The following PCDH7 variants were observed in gnomAD, a reference collection of about 807,000 sequenced individuals.
PCDH7 encodes protocadherin-7.
Under a neutral mutation model 58.9 loss-of-function variants are expected in PCDH7, and 17 were observed. The observed-to-expected ratio is 0.29, with a 90% CI of 0.20 to 0.43. The LOEUF (loss-of-function observed/expected upper bound fraction) is 0.43. Ranked by LOEUF, PCDH7 falls within the 20% of genes least tolerant of loss-of-function variation. The pLI, the probability that PCDH7 is intolerant of heterozygous loss-of-function variation, is 1.00. For synonymous variants in PCDH7, 664 were observed against 616.4 expected (o/e 1.08, Z -1.14); for missense variants, 1,274 against 1,441.0 (o/e 0.88, Z 1.88).
downstream of PCDH7, chr4:31,142,973 C>A: frequency 1.7e-6 from 1 of 598,870 alleles, no homozygotes; most frequent in Non-Finnish European, 2.6e-6. Context: ...GCTTTGCCTG[C>A]CACTTCTGCC....
chr4:31,055,318 A>G (rs560917374), intron 3 of PCDH7, among the ~76,000 whole-genome samples: 2 of 152,124 alleles, frequency 1.3e-5, no homozygotes, highest in Non-Finnish European at 2.9e-5. Flanking sequence ...ATGTTAGTGT[A>G]TTTTAATTGC....
chr4:30,751,961 T>G (rs1445958615), intron 1 of PCDH7, among the ~76,000 whole-genome samples: 1 of 152,184 alleles, frequency 6.6e-6, no homozygotes, highest in East Asian at 1.9e-4. Context: ...GTAAACTTGT[T>G]GCCATGATGG....
intron 1 of PCDH7, among the ~76,000 whole-genome samples, chr4:30,900,352 A>T (rs951048819): frequency 3.3e-5 from 5 of 152,312 alleles, no homozygotes; most frequent in Admixed American, 2.0e-4. Flanking sequence ...GTCTGGTGCT[A>T]TTTCCAGTTG....
intron 1 of PCDH7, among the ~76,000 whole-genome samples, chr4:30,861,746 A>G (rs1734225320): frequency 6.6e-6 from 1 of 152,174 alleles, no homozygotes; most frequent in Non-Finnish European, 1.5e-5. Context: ...ATATACAGGT[A>G]CATATCAAAG....
chr4:30,947,131 G>A (rs1746792776), intron 2 of PCDH7, among the ~76,000 whole-genome samples: 1 of 152,066 alleles, frequency 6.6e-6, no homozygotes, highest in African/African-American at 2.4e-5. Flanking sequence ...CCACAGCCTT[G>A]TGTTATCAGC....
intron 3 of PCDH7, among the ~76,000 whole-genome samples, chr4:31,032,189 TA>T (rs2109188188): frequency 6.6e-6 from 1 of 152,360 alleles, no homozygotes; most frequent in African/African-American, 2.4e-5. Flanking sequence ...GTTTGGCCTC[TA>T]ATTATAGGAT....
intron 1 of PCDH7, among the ~76,000 whole-genome samples, chr4:30,758,306 G>A (rs1719575771): frequency 6.6e-6 from 1 of 152,102 alleles, no homozygotes; most frequent in African/African-American, 2.4e-5. Context: ...GAGAGGGGTT[G>A]GGGAGTATGG....
At chr4:30,989,546 C>A (rs1212152479) in intron 3 of PCDH7, among the ~76,000 whole-genome samples, 1 of 152,142 alleles carries the variant, frequency 6.6e-6, no homozygotes, top group Admixed American at 6.5e-5. Flanking sequence ...AGGTGCCGCA[C>A]CATTCCAAGG....
intron 1 of PCDH7, among the ~76,000 whole-genome samples, chr4:30,810,563 GTC>G (rs1328709576): frequency 6.6e-6 from 1 of 150,404 alleles, no homozygotes. Flanking sequence ...TTTAAAAAAC[GTC>G]TTCTCATTTT....
At chr4:30,902,484 T>G (rs908469398) in intron 1 of PCDH7, among the ~76,000 whole-genome samples, 1 of 152,160 alleles carries the variant, frequency 6.6e-6, no homozygotes, top group Non-Finnish European at 1.5e-5. Flanking sequence ...TTATTATTAA[T>G]GCTATTTCTT....
At chr4:30,867,678 G>T (rs184133719) in intron 1 of PCDH7, among the ~76,000 whole-genome samples, 34 of 151,960 alleles carry the variant, frequency 2.2e-4, no homozygotes, top group Non-Finnish European at 4.4e-4. Flanking sequence ...CACTGGTGCC[G>T]CCACTTCCTT....
At position 30,721,352 on chromosome 4, in the gene PCDH7, C is replaced by T. The variant is rs189517604; in HGVS notation, c.-71C>T. 4,626 of 1,382,944 alleles carry T rather than the reference C, an allele frequency of 3.3e-3. 114 individuals are homozygous for T. The African/African-American group carries it at 0.053, about 16-fold the overall frequency. The allele number at this position is 1,382,944 out of a possible 1,614,324, so 85.7% of individuals were successfully genotyped here. A position where few individuals can be genotyped will look rare whatever the true frequency, so the allele number is the denominator to read the frequency against. Reference sequence around the variant, plus strand: ...AGAGGACTCGGGGGAGGGCAGGCGGCCGGCCCCGGAGGAGGGGGGCGCCGA... The same window carrying T: ...AGAGGACTCGGGGGAGGGCAGGCGGTCGGCCCCGGAGGAGGGGGGCGCCGA... On this transcript the variant is annotated 5_prime_UTR_variant, in exon 1 of 2. Transcript: ENST00000361762. The surrounding 1 kb of genome is among the most constrained non-coding windows in gnomAD (Gnocchi z 6.7).
chr4:30,786,515 C>G (rs1310924328), intron 1 of PCDH7, among the ~76,000 whole-genome samples: 8 of 151,874 alleles, frequency 5.3e-5, no homozygotes, highest in African/African-American at 1.9e-4. Flanking sequence ...GATTAGCCAG[C>G]TGTATTGATT....
At chr4:30,769,766 A>C (rs1038047472) in intron 1 of PCDH7, among the ~76,000 whole-genome samples, 2 of 152,164 alleles carry the variant, frequency 1.3e-5, no homozygotes, top group Non-Finnish European at 2.9e-5. Context: ...TAATTCTTTA[A>C]GCTAAGAGTT....
intron 1 of PCDH7, among the ~76,000 whole-genome samples, chr4:30,865,852 C>G (rs1473875045): frequency 6.6e-6 from 1 of 151,898 alleles, no homozygotes; most frequent in South Asian, 2.1e-4. Flanking sequence ...TTTTTTGACC[C>G]TTGAATCACA....
chr4:30,920,183 A>T (rs1427136307), exon 2 of PCDH7: 1 of 1,367,594 alleles, frequency 7.3e-7, no homozygotes, highest in Non-Finnish European at 9.8e-7. Context: ...TTCTGTTGTG[A>T]GTCAGCCTCA....
intron 1 of PCDH7, among the ~76,000 whole-genome samples, chr4:30,902,115 A>G (rs931257566): frequency 6.6e-6 from 1 of 152,216 alleles, no homozygotes; most frequent in African/African-American, 2.4e-5. Context: ...GAATGTCACT[A>G]TGCATTTTAA....
At chr4:31,134,143 A>G (rs1188477750) in intron 3 of PCDH7, among the ~76,000 whole-genome samples, 1 of 152,086 alleles carries the variant, frequency 6.6e-6, no homozygotes, top group Non-Finnish European at 1.5e-5. Context: ...TGGTCAGTCT[A>G]TTATCCATGA....
chr4:31,106,081 G>A (rs981921412), intron 3 of PCDH7, among the ~76,000 whole-genome samples: 6 of 151,574 alleles, frequency 4.0e-5, no homozygotes, highest in African/African-American at 1.2e-4. Flanking sequence ...TGTAACAGGA[G>A]TATTGTATTA....
Sources: gnomAD v4.1 joint callset for allele counts (sites outside exome capture counted in the v4.1 genomes callset) on GRCh38, gnomAD v4.1.1 for gene constraint, Gnocchi (gnomAD v3.1) non-coding constraint, MANE v1.5 for transcripts, NCBI Gene and HGNC (gene_info 2026-07-23, HGNC 2026-07-21) for gene names.